FBXO40: variants seen among roughly 807,000 people sequenced by gnomAD.
FBXO40 encodes F-box protein 40.
A neutral mutation model predicts 49.9 loss-of-function variants in FBXO40; 50 were observed. The observed-to-expected ratio is 1.00, with a 90% CI of 0.80 to 1.27. The LOEUF is 1.27. Ranked by LOEUF, FBXO40 falls within the 50% of genes most tolerant of loss-of-function variation. The pLI is 0.00. For missense variants in FBXO40, 895 were observed against 870.1 expected, an observed-to-expected ratio of 1.03 and a Z score of -0.36; for synonymous variants, 340 against 320.2, an observed-to-expected ratio of 1.06 and a Z score of -0.66.
intron 1 of FBXO40, among the ~76,000 whole-genome samples, chr3:121,608,334 G>C (rs147852199): frequency 1.6e-4 from 24 of 152,300 alleles, no homozygotes; most frequent in African/African-American, 5.8e-4. Context: ...AAAAAGGCAT[G>C]CTTGGAATCA....
chr3:121,615,584 A>G (rs1230348526), intron 1 of FBXO40, among the ~76,000 whole-genome samples: 1 of 149,290 alleles, frequency 6.7e-6, no homozygotes, highest in Non-Finnish European at 1.5e-5. Flanking sequence ...AAAAAGAAGA[A>G]GAAGAAAGAA....
In FBXO40 at chr3:121,604,012, C is replaced by T. The variant is rs555596800; in HGVS notation, c.-31+10510C>T. On this transcript the variant is annotated intron_variant, in intron 1 of 3. Coordinates refer to ENST00000338040, the MANE Select transcript of FBXO40 (RefSeq NM_016298.4). ...GGATTACAGGCGTGGGCCACCACGC[C>T]CAGCTCTGGTCATGTTTTATCAAGC... Among the ~76,000 whole-genome samples the T allele has an allele frequency of 5.3e-5, 8 of 152,312 alleles. No individual in the cohort carries two copies. In the South Asian group the frequency reaches 1.4e-3, roughly 28 times the overall value.
intron 3 of FBXO40, among the ~76,000 whole-genome samples, chr3:121,625,878 C>T (rs2049059205): frequency 6.6e-6 from 1 of 152,182 alleles, no homozygotes; most frequent in Non-Finnish European, 1.5e-5. Context: ...GTGAAGTAGT[C>T]AGGTTGAAAG....
intron 1 of FBXO40, among the ~76,000 whole-genome samples, chr3:121,594,599 G>A (rs918357486): frequency 1.4e-4 from 21 of 152,176 alleles, no homozygotes; most frequent in South Asian, 2.1e-4. Flanking sequence ...TTAAAATTTC[G>A]TCTGCTGTGT....
intron 1 of FBXO40, 49 bp downstream of exon 1, chr3:121,593,551 G>A (rs2048854825): frequency 6.6e-6 from 1 of 152,140 alleles, no homozygotes; most frequent in Admixed American, 6.5e-5. Flanking sequence ...ACATTCAGTG[G>A]TGAATATGCA....
rs999575237 is a variant in FBXO40 at position 121,630,042 on chromosome 3, A to G, written c.*3132A>G. On this transcript the variant is annotated 3_prime_UTR_variant, in exon 4 of 4. Coordinates refer to ENST00000338040, the MANE Select transcript of FBXO40 (RefSeq NM_016298.4). ...GCTGAGGTCTGTAGAACTGGGCCAG[A>G]GAGGACCTTACTGCCTTAGTAGCAT... is the stretch of plus-strand genomic sequence containing the variant. 2.0e-5 allele frequency: 3 copies of G among 152,242 alleles called. No individual in the cohort carries two copies. Among genetic ancestry groups the G allele is most frequent in the African/African-American group, 7.2e-5 (3 of 41,464 alleles). The allele number at this position is 152,242 out of a possible 1,614,324, so 9.4% of individuals were successfully genotyped here. A position where few individuals can be genotyped will look rare whatever the true frequency, so the allele number is the denominator to read the frequency against.
intron 1 of FBXO40, among the ~76,000 whole-genome samples, chr3:121,607,639 G>A (rs1320612075): frequency 1.3e-5 from 2 of 152,038 alleles, no homozygotes; most frequent in Admixed American, 1.3e-4. Context: ...GGATCAAGTG[G>A]GGGAAAGCCT....
At chr3:121,601,699 T>C (rs1037054951) in intron 1 of FBXO40, among the ~76,000 whole-genome samples, 7 of 152,210 alleles carry the variant, frequency 4.6e-5, no homozygotes, top group African/African-American at 1.7e-4. Flanking sequence ...GAGCTCAACT[T>C]AATGACAGAA....
chr3:121,623,069 C>G lies in FBXO40; in HGVS notation c.1640C>G (p.Pro547Arg). Residue 547 changes from proline to arginine, a missense_variant, in exon 3 of 4, where the codon CCG (proline) becomes CGG (arginine). Transcript: ENST00000338040. ...SQELKTFAIK[P>R]EVAPELSEGR... ...GAGCTCAAGACCTTTGCCATTAAGC[C>G]GGAGGTTGCTCCAGAGCTGAGCGAG... The G allele has an allele frequency of 6.2e-7, 1 of 1,614,178 alleles. No homozygotes were observed. Among genetic ancestry groups the G allele is most frequent in the African/African-American group, 1.3e-5 (1 of 75,036 alleles).
chr3:121,601,368 GTAGC>G (rs2048900466), intron 1 of FBXO40, among the ~76,000 whole-genome samples: 1 of 151,850 alleles, frequency 6.6e-6, no homozygotes, highest in Non-Finnish European at 1.5e-5. Context: ...CTCATCGGGT[GTAGC>G]TCCAAAGCCT....
intron 3 of FBXO40, among the ~76,000 whole-genome samples, chr3:121,625,650 A>AT (rs1289068859): frequency 2.6e-5 from 4 of 152,218 alleles, no homozygotes; most frequent in Non-Finnish European, 4.4e-5. Flanking sequence ...ACTATAAATT[A>AT]TTTTTTGGCT....
At chr3:121,599,029 T>C (rs558976455) in intron 1 of FBXO40, among the ~76,000 whole-genome samples, 2 of 107,172 alleles carry the variant, frequency 1.9e-5, no homozygotes, top group Non-Finnish European at 4.1e-5. Context: ...ATCTAAACTA[T>C]ATTAGTTTGA....
chr3:121,626,350 T>A (rs1181060617), intron 3 of FBXO40, among the ~76,000 whole-genome samples: 2 of 152,258 alleles, frequency 1.3e-5, no homozygotes, highest in Non-Finnish European at 2.9e-5. Flanking sequence ...ACAAAAGTTC[T>A]GGAATAAGAG....
chr3:121,607,300 CTTTTTTT>C (rs555162944), intron 1 of FBXO40, among the ~76,000 whole-genome samples: 2 of 60,126 alleles, frequency 3.3e-5, no homozygotes, highest in African/African-American at 1.3e-4. Context: ...CTCTAAAGCT[CTTTTTTT>C]TTTTTTTTTT....
At chr3:121,601,107 A>C (rs949536738) in intron 1 of FBXO40, among the ~76,000 whole-genome samples, 1 of 152,206 alleles carries the variant, frequency 6.6e-6, no homozygotes, top group East Asian at 1.9e-4. Context: ...CTAAACCAGG[A>C]GAGTCCTAGG....
At chr3:121,597,825 CT>C (rs2048880518) in intron 1 of FBXO40, among the ~76,000 whole-genome samples, 1 of 151,988 alleles carries the variant, frequency 6.6e-6, no homozygotes, top group Non-Finnish European at 1.5e-5. Context: ...CCACACCCGG[CT>C]ACTTTTTTGT....
chr3:121,621,539 G>T lies in FBXO40; in HGVS notation c.110G>T (p.Ser37Ile), dbSNP rs1174925244. ...CCCAACACCTCCTGCCTGGTAATAA[G>T]CTGCCACCTGCTCTGTGGTGCCACC... ...VEPNTSCLVI[S>I]CHLLCGATFH... Residue 37 changes from serine (S) to isoleucine (I), a missense_variant, in exon 3 of 4, where the codon AGC becomes ATC. By Grantham distance (142) the Ser-to-Ile change is moderately radical (BLOSUM62 -2). Transcript: ENST00000338040. 6.2e-7 allele frequency: 1 copy of T among 1,614,256 alleles called. No homozygotes were observed. The highest frequency in any genetic ancestry group is 1.7e-5 in the Admixed American group (1 of 60,028).
Position 121,625,127 on chromosome 3 carries a change from G to GAAAT in FBXO40, c.1915-1566_1915-1563dup, listed in dbSNP as rs1478192425. On this transcript the variant is annotated intron_variant, in intron 3 of 3. Coordinates refer to ENST00000338040, the MANE Select transcript of FBXO40 (RefSeq NM_016298.4). ...ATAAATCAAAGAACCTTTCCCTTCA[G>GAAAT]AAATACCTTGTTCCTTTTCCCCAGT... 1.3e-5 allele frequency among the ~76,000 whole-genome samples: 2 copies of GAAAT among 152,168 alleles called. 1 individual carries two copies. Among genetic ancestry groups the GAAAT allele is most frequent in the South Asian group, 4.1e-4 (2 of 4,828 alleles).
chr3:121,602,160 T>G (rs2048904111), intron 1 of FBXO40, among the ~76,000 whole-genome samples: 1 of 152,228 alleles, frequency 6.6e-6, no homozygotes, highest in South Asian at 2.1e-4. Context: ...CTCTGATCTC[T>G]CCGTCTCTGG....
Sources: gnomAD v4.1 joint callset for allele counts (sites outside exome capture counted in the v4.1 genomes callset) on GRCh38, gnomAD v4.1.1 for gene constraint, MANE v1.5 for transcripts, NCBI Gene and HGNC (gene_info 2026-07-23, HGNC 2026-07-21) for gene names.